Variants in TRIM37 observed in about 807,000 individuals in gnomAD.
TRIM37 encodes the protein E3 ubiquitin-protein ligase TRIM37.
A neutral mutation model predicts 129.8 loss-of-function variants in TRIM37; 80 were observed. The ratio of observed to expected loss-of-function variants is 0.62; its 90% confidence interval spans 0.51 to 0.74. TRIM37 has a LOEUF of 0.74. TRIM37 is among the 30% of genes least tolerant of loss of function. The pLI, the probability that TRIM37 is intolerant of heterozygous loss-of-function variation, is 0.00. For synonymous variants in TRIM37, 389 were observed against 387.1 expected (o/e 1.00, Z -0.06); for missense variants, 1,054 against 1,176.5 (o/e 0.90, Z 1.52).
chr17:58,998,475 C>T lies in TRIM37; in HGVS notation c.*902G>A. 1.0e-6 allele frequency: 1 copy of T among 985,350 alleles called. No individual in the cohort carries two copies. Among genetic ancestry groups the T allele is most frequent in the Non-Finnish European group, 1.2e-6 (1 of 829,928 alleles). 61.0% of individuals were successfully genotyped at this position (985,350 alleles called of 1,614,324 possible). On this transcript the variant is annotated 3_prime_UTR_variant, in exon 24 of 24. Transcript: ENST00000262294. ...GGCAAAGTTTGGCAACTGTTTTGGGCTAATTATGAGTATGAAAGAAAACCT... is the reference window on the plus strand; with the variant it reads ...GGCAAAGTTTGGCAACTGTTTTGGGTTAATTATGAGTATGAAAGAAAACCT...
chr17:59,006,918 A>G (rs1478450296), intron 22 of TRIM37, among the ~76,000 whole-genome samples: 1 of 151,676 alleles, frequency 6.6e-6, no homozygotes, highest in Non-Finnish European at 1.5e-5. Flanking sequence ...TAAATAAATA[A>G]CTGGACTTGG....
At position 58,999,449 on chromosome 17, in the gene TRIM37, G is replaced by C. The variant is rs1343891385; in HGVS notation, c.2823C>G (p.Ser941=). ...CTATTTGTTCACCATCAGGAAAACT[G>C]GAATGTGTATCTATGATTAAAAAAT... ...MTQPPDEDTH[S]SFPDGEQIGP... is the part of the protein sequence containing the mutation. Residue 941 remains serine (S), a synonymous_variant, in exon 24 of 24, where the codon TCC becomes TCG. Transcript: ENST00000262294. The C allele has an allele frequency of 6.2e-7, 1 of 1,612,364 alleles. No homozygotes were observed. Among genetic ancestry groups the C allele is most frequent in the Non-Finnish European group, 8.5e-7 (1 of 1,179,070 alleles).
At chr17:59,105,915 C>T (rs1476024185) in intron 1 of TRIM37, among the ~76,000 whole-genome samples, 1 of 152,120 alleles carries the variant, frequency 6.6e-6, no homozygotes, top group East Asian at 1.9e-4. Flanking sequence ...CATATCCCAA[C>T]TATTTTAACT....
intron 12 of TRIM37, among the ~76,000 whole-genome samples, chr17:59,059,875 T>C (rs1302136152): frequency 3.3e-5 from 5 of 152,164 alleles, no homozygotes; most frequent in African/African-American, 1.2e-4. Flanking sequence ...ACCCATGAAT[T>C]ATAAATTTCT....
At chr17:59,092,288 A>T (rs553677904) in intron 2 of TRIM37, among the ~76,000 whole-genome samples, 21 of 151,788 alleles carry the variant, frequency 1.4e-4, no homozygotes, top group African/African-American at 4.8e-4. Context: ...AATCCCAGCT[A>T]CTCGGGAGGC....
chr17:58,988,481 A>G (rs1317359207), intron 24 of TRIM37, among the ~76,000 whole-genome samples: 1 of 152,112 alleles, frequency 6.6e-6, no homozygotes, highest in African/African-American at 2.4e-5. Context: ...TATGGAAGAA[A>G]AGCCCCATCC....
intron 4 of TRIM37, among the ~76,000 whole-genome samples, chr17:59,085,422 G>C (rs781375076): frequency 2.0e-5 from 3 of 152,080 alleles, no homozygotes; most frequent in Non-Finnish European, 4.4e-5. Context: ...ATTTAAAAAT[G>C]AGCAAAAGAT....
chr17:59,068,279 C>CT (rs1568156449), intron 9 of TRIM37, among the ~76,000 whole-genome samples: 2 of 152,170 alleles, frequency 1.3e-5, no homozygotes, highest in African/African-American at 4.8e-5. Flanking sequence ...GGTTCCCAAA[C>CT]TTTAGTGCAG....
chr17:59,102,110 T>TA, intron 2 of TRIM37, among the ~76,000 whole-genome samples: 1 of 151,966 alleles, frequency 6.6e-6, no homozygotes, highest in Non-Finnish European at 1.5e-5. Flanking sequence ...CATCCAAAAG[T>TA]CAGTGCTGAA....
chr17:59,019,550 A>G (rs913076273), intron 19 of TRIM37, among the ~76,000 whole-genome samples: 3 of 152,152 alleles, frequency 2.0e-5, no homozygotes, highest in Non-Finnish European at 4.4e-5. Context: ...TCTACTAAAA[A>G]TACAAAAGTT....
In TRIM37 at chr17:58,999,303, G is replaced by T; in HGVS notation, c.*74C>A. 1 of 1,610,772 alleles carries T rather than the reference G, an allele frequency of 6.2e-7. No individual in the cohort carries two copies. The highest frequency in any genetic ancestry group is 1.1e-5 in the South Asian group (1 of 90,428). On this transcript the variant is annotated 3_prime_UTR_variant, in exon 24 of 24. Coordinates refer to ENST00000262294, the MANE Select transcript of TRIM37 (RefSeq NM_015294.6). ...GACCAAATCTGATTATCTGACTGATGACAAATTTGAGCACCAACTACAGCA... is the reference window on the plus strand; with the variant it reads ...GACCAAATCTGATTATCTGACTGATTACAAATTTGAGCACCAACTACAGCA...
chr17:58,969,593 G>C, the TRIM37 span: 1 of 1,614,028 alleles, frequency 6.2e-7, no homozygotes, highest in Non-Finnish European at 8.5e-7. Flanking sequence ...GGGAGTAGAT[G>C]CTGCTATTTA....
At chr17:59,002,537 A>G (rs186771619) in intron 22 of TRIM37, among the ~76,000 whole-genome samples, 174 of 152,316 alleles carry the variant, frequency 1.1e-3, no homozygotes, top group African/African-American at 4.1e-3. Flanking sequence ...GTGCCTGGCC[A>G]CATCAGTTGA....
At chr17:58,980,717 T>C (rs267604972), downstream of TRIM37, 4 of 1,614,190 alleles carry the variant, frequency 2.5e-6, no homozygotes, top group African/African-American at 2.7e-5. The surrounding 1 kb of genome is among the most constrained non-coding windows in gnomAD (Gnocchi z 4.7). Flanking sequence ...CTGTTCAGGG[T>C]TGGAAAATGA....
At chr17:59,084,153 T>C (rs1239687767) in intron 4 of TRIM37, 64 bp from the exon 5 acceptor site, 1 of 1,328,482 alleles carries the variant, frequency 7.5e-7, no homozygotes, top group African/African-American at 1.5e-5. Context: ...CTCCACAAAT[T>C]CTTAAGCTTG....
intron 22 of TRIM37, among the ~76,000 whole-genome samples, chr17:59,009,703 C>G (rs1258939953): frequency 6.6e-6 from 1 of 152,204 alleles, no homozygotes; most frequent in Non-Finnish European, 1.5e-5. Flanking sequence ...TCCTTGGCCT[C>G]CCAAAGTGTT....
At chr17:59,039,176 G>A (rs188161398) in intron 17 of TRIM37, among the ~76,000 whole-genome samples, 10 of 152,254 alleles carry the variant, frequency 6.6e-5, no homozygotes, top group East Asian at 5.8e-4. Context: ...CTATGCATGC[G>A]TGTGTTTCCC....
At chr17:59,018,581 C>T (rs899924085) in intron 19 of TRIM37, among the ~76,000 whole-genome samples, 1 of 152,168 alleles carries the variant, frequency 6.6e-6, no homozygotes, top group African/African-American at 2.4e-5. Context: ...AAAACTACCA[C>T]ACATTCTTGA....
At chr17:59,081,964 A>ATAATAATAAT (rs1555688977) in intron 5 of TRIM37, among the ~76,000 whole-genome samples, 32 of 87,180 alleles carry the variant, frequency 3.7e-4, no homozygotes, top group African/African-American at 1.4e-3. Flanking sequence ...AAAAAAAAAA[A>ATAATAATAAT]AATAATAATA....
Sources: gnomAD v4.1 joint callset for allele counts (sites outside exome capture counted in the v4.1 genomes callset) on GRCh38, gnomAD v4.1.1 for gene constraint, Gnocchi (gnomAD v3.1) non-coding constraint, MANE v1.5 for transcripts, NCBI Gene and HGNC (gene_info 2026-07-23, HGNC 2026-07-21) for gene names.